HIF1A: variants seen among roughly 807,000 people sequenced by gnomAD.
HIF1A encodes hypoxia-inducible factor 1-alpha.
Under a neutral mutation model 92.7 loss-of-function variants are expected in HIF1A, and 24 were observed. That is an observed-to-expected ratio of 0.26 (90% confidence interval 0.19 to 0.36). HIF1A has a LOEUF of 0.36. HIF1A is among the 10% of genes least tolerant of loss of function. HIF1A has a pLI of 1.00. For missense variants in HIF1A, 799 were observed against 998.5 expected (o/e 0.80, Z 2.69); for synonymous variants, 319 against 338.7 (o/e 0.94, Z 0.64).
chr14:61,702,787 C>T (rs2044192597), intron 1 of HIF1A, among the ~76,000 whole-genome samples: 1 of 151,964 alleles, frequency 6.6e-6, no homozygotes. Flanking sequence ...TAAAAATCAC[C>T]TGCTTTTTCA....
At chr14:61,705,160 T>A (rs1454616016) in intron 1 of HIF1A, among the ~76,000 whole-genome samples, 2 of 152,120 alleles carry the variant, frequency 1.3e-5, no homozygotes, top group African/African-American at 4.8e-5. Flanking sequence ...ATTTTTGAGA[T>A]GTACCCAGTG....
At chr14:61,711,572 C>G (rs886189067) in intron 1 of HIF1A, among the ~76,000 whole-genome samples, 11 of 152,164 alleles carry the variant, frequency 7.2e-5, no homozygotes, top group Admixed American at 7.2e-4. Flanking sequence ...CTGGCAAGAT[C>G]ATTTATTTGC....
chr14:61,713,102 C>G (rs1374563508), intron 1 of HIF1A, among the ~76,000 whole-genome samples: 1 of 152,014 alleles, frequency 6.6e-6, no homozygotes, highest in Non-Finnish European at 1.5e-5. Flanking sequence ...TACTATGGTG[C>G]TTTTGAGTAA....
chr14:61,725,693 G>A (rs1326035755), intron 4 of HIF1A, among the ~76,000 whole-genome samples: 2 of 152,194 alleles, frequency 1.3e-5, no homozygotes, highest in African/African-American at 2.4e-5. Flanking sequence ...GGGATTACAG[G>A]CATGAGGCAT....
intron 6 of HIF1A, 29 bp downstream of exon 6, chr14:61,727,684 A>C: frequency 6.9e-7 from 1 of 1,454,842 alleles, no homozygotes; most frequent in Non-Finnish European, 9.7e-7. Context: ...GTGAATTTGA[A>C]ATTTTTAATT....
chr14:61,707,002 G>A (rs1429757936), intron 1 of HIF1A, among the ~76,000 whole-genome samples: 2 of 152,210 alleles, frequency 1.3e-5, no homozygotes, highest in Non-Finnish European at 2.9e-5. Context: ...TTCTAAGTAT[G>A]TGGTGTATTA....
chr14:61,700,405 A>G (rs190417297), intron 1 of HIF1A, among the ~76,000 whole-genome samples: 7 of 152,326 alleles, frequency 4.6e-5, no homozygotes, highest in Non-Finnish European at 8.8e-5. Flanking sequence ...ATAGGGTTTT[A>G]ATATTTTTGT....
chr14:61,707,145 A>C (rs2044247583), intron 1 of HIF1A, among the ~76,000 whole-genome samples: 1 of 152,180 alleles, frequency 6.6e-6, no homozygotes, highest in South Asian at 2.1e-4. Flanking sequence ...AGAACACGTT[A>C]AGTATCTTCT....
chr14:61,697,818 A>G, intron 1 of HIF1A: 9 of 1,490,260 alleles, frequency 6.0e-6, no homozygotes, highest in Non-Finnish European at 8.0e-6. Flanking sequence ...AGGGACGGAG[A>G]TTTTCTTCAA....
intron 10 of HIF1A, chr14:61,740,265 C>A (rs972096660): frequency 2.6e-5 from 6 of 229,982 alleles, no homozygotes; most frequent in Non-Finnish European, 5.1e-5. Flanking sequence ...CGAGGTTTCA[C>A]CATGTTGGCC....
At chr14:61,703,675 G>C (rs2044203686) in intron 1 of HIF1A, among the ~76,000 whole-genome samples, 1 of 151,680 alleles carries the variant, frequency 6.6e-6, no homozygotes, top group Non-Finnish European at 1.5e-5. Context: ...CTATATATCA[G>C]TTTCCTAGAA....
intron 6 of HIF1A, among the ~76,000 whole-genome samples, chr14:61,730,848 T>C (rs906628995): frequency 2.0e-5 from 3 of 152,234 alleles, no homozygotes; most frequent in African/African-American, 4.8e-5. Context: ...ATGGGGATTT[T>C]ATTTAAACAG....
intron 6 of HIF1A, among the ~76,000 whole-genome samples, chr14:61,728,841 A>C (rs2044539824): frequency 6.6e-6 from 1 of 152,208 alleles, no homozygotes. Context: ...TGTGAAAATC[A>C]GATCATGTCA....
In HIF1A at chr14:61,747,209, C is replaced by CG. The variant is rs1249381070; in HGVS notation, c.*124_*125insG. On this transcript the variant is annotated 3_prime_UTR_variant, in exon 15 of 15. Coordinates refer to ENST00000337138, the MANE Select transcript of HIF1A (RefSeq NM_001530.4). ...CAATACTGCACAAACTTGGTTAGTT[C>CG]AATTTTGATCCCCTTTCTACTTAAT... The CG allele has an allele frequency of 2.3e-5, 15 of 644,528 alleles. No homozygotes were observed. The highest frequency in any genetic ancestry group is 1.5e-4 in the Admixed American group (3 of 19,360). 39.9% of individuals were successfully genotyped at this position (644,528 alleles called of 1,614,324 possible).
At chr14:61,715,565 G>C (rs912373656) in intron 1 of HIF1A, 2 of 152,138 alleles carry the variant, frequency 1.3e-5, no homozygotes, top group South Asian at 4.1e-4. Context: ...ATTTATTAAC[G>C]GAGTAATGTT....
At chr14:61,705,302 T>C (rs1029029327) in intron 1 of HIF1A, among the ~76,000 whole-genome samples, 5 of 152,140 alleles carry the variant, frequency 3.3e-5, no homozygotes, top group African/African-American at 7.2e-5. Flanking sequence ...TACAGAACTA[T>C]GGAGAGATCA....
At chr14:61,705,308 G>A (rs1223998882) in intron 1 of HIF1A, among the ~76,000 whole-genome samples, 3 of 152,106 alleles carry the variant, frequency 2.0e-5, no homozygotes, top group Non-Finnish European at 1.5e-5. Context: ...ACTATGGAGA[G>A]ATCATTTAGA....
At chr14:61,704,696 A>AAAACATTT (rs1303349725) in intron 1 of HIF1A, among the ~76,000 whole-genome samples, 3 of 152,290 alleles carry the variant, frequency 2.0e-5, no homozygotes, top group Non-Finnish European at 4.4e-5. Context: ...GACTTATTTC[A>AAAACATTT]GTGGTTCAAA....
intron 6 of HIF1A, among the ~76,000 whole-genome samples, chr14:61,728,939 A>C (rs1431402164): frequency 6.6e-6 from 1 of 152,162 alleles, no homozygotes; most frequent in African/African-American, 2.4e-5. Flanking sequence ...GAGGGAAGTA[A>C]ATTTTTCATT....
Sources: gnomAD v4.1 joint callset for allele counts (sites outside exome capture counted in the v4.1 genomes callset) on GRCh38, gnomAD v4.1.1 for gene constraint, MANE v1.5 for transcripts, NCBI Gene and HGNC (gene_info 2026-07-23, HGNC 2026-07-21) for gene names.